Variants in VCAN observed in about 807,000 individuals in gnomAD.
VCAN encodes the protein versican.
Under a neutral mutation model 245.5 loss-of-function variants are expected in VCAN, and 44 were observed. That is an observed-to-expected ratio of 0.18 (90% CI 0.14 to 0.23). The LOEUF (loss-of-function observed/expected upper bound fraction) is 0.23, where lower values mean the gene tolerates loss of function less well. VCAN is among the 10% of genes least tolerant of loss of function. The pLI, the probability that VCAN is intolerant of heterozygous loss-of-function variation, is 1.00. For synonymous variants in VCAN, 1,413 were observed against 1,437.0 expected (o/e 0.98, Z 0.38); for missense variants, 3,793 against 4,057.9 (o/e 0.93, Z 1.77).
chr5:83,562,661 CA>C (rs4033003), intron 12 of VCAN, among the ~76,000 whole-genome samples: 41,871 of 149,322 alleles, frequency 0.28, 6,020 homozygotes, highest in Admixed American at 0.34. Flanking sequence ...TGGAAAAGGC[CA>C]AAAAAAAAAA....
In VCAN at chr5:83,519,369, G is replaced by C. The variant is rs143128206; in HGVS notation, c.1063G>C (p.Asp355His). The change falls in exon 7 of 15, where the codon GAT becomes CAT. Residue 355 changes from aspartate to histidine, a missense_variant. By Grantham distance (81) the Asp-to-His change is moderately conservative. Transcript: ENST00000265077. ...TCTAGCTAAAGAGGCTACAACCATC[G>C]ATTTGAGTATCCTCGCAGAAACTGC... ...CFKPKEATTI[D>H]LSILAETASP... The C allele has an allele frequency of 2.5e-6, 4 of 1,613,802 alleles. No individual in the cohort carries two copies. In the African/African-American group the frequency reaches 4.0e-5, roughly 16 times the overall value.
chr5:83,576,185 C>T (rs936263267), intron 13 of VCAN, among the ~76,000 whole-genome samples: 1 of 151,990 alleles, frequency 6.6e-6, no homozygotes, highest in Non-Finnish European at 1.5e-5. Flanking sequence ...TATCTATTTA[C>T]TTCTCAACTC....
chr5:83,516,027 T>C (rs1745840223), intron 6 of VCAN, among the ~76,000 whole-genome samples: 1 of 152,184 alleles, frequency 6.6e-6, no homozygotes, highest in South Asian at 2.1e-4. Flanking sequence ...GGTCAGGAGA[T>C]CGAGACCATC....
At chr5:83,554,668 C>G (rs1334299513) in intron 11 of VCAN, among the ~76,000 whole-genome samples, 1 of 151,966 alleles carries the variant, frequency 6.6e-6, no homozygotes, top group Non-Finnish European at 1.5e-5. Flanking sequence ...AAATTTCTAT[C>G]ATGAGTGAGG....
intron 5 of VCAN, among the ~76,000 whole-genome samples, chr5:83,495,910 C>T (rs1020879766): frequency 1.3e-5 from 2 of 152,092 alleles, no homozygotes; most frequent in African/African-American, 2.4e-5. Context: ...GCCCTAGAGA[C>T]CCCCCGTGTG....
chr5:83,519,940 C>G lies in VCAN; in HGVS notation c.1634C>G (p.Thr545Arg). Residue 545 changes from threonine (T) to arginine (R), a missense_variant, in exon 7 of 15, where the codon ACA (threonine) becomes AGA (arginine). This residue lies in a region of VCAN where 3,182 missense variants were observed against 3,250.3 expected (regional missense o/e 0.98). Coordinates refer to ENST00000265077, the MANE Select transcript of VCAN (RefSeq NM_004385.5). Reference protein sequence around the residue: ...MVSTVSELVTTGHYGFTLGEE... With the variant: ...MVSTVSELVTRGHYGFTLGEE... ...AGCACTGTTTCTGAATTGGTAACCA[C>G]AGGTCACTATGGATTCACCTTGGGA... is the stretch of plus-strand genomic sequence containing the variant. 1 of 1,614,110 alleles carries G rather than the reference C, an allele frequency of 6.2e-7. No individual in the cohort carries two copies. Among genetic ancestry groups the G allele is most frequent in the Non-Finnish European group, 8.5e-7 (1 of 1,179,976 alleles).
At position 83,520,674 on chromosome 5, in the gene VCAN, C is replaced by G; in HGVS notation, c.2368C>G (p.His790Asp). 6 of 1,614,022 alleles carry G rather than the reference C, an allele frequency of 3.7e-6. No homozygotes were observed. The highest frequency in any genetic ancestry group is 5.1e-6 in the Non-Finnish European group (6 of 1,179,994). ...DENITTVLLA[H>D]GTLSVEAATV... ...AAATATTACAACAGTGCTTTTGGCC[C>G]ATGGTACTTTAAGTGTTGAAGCAGC... Residue 790 changes from histidine (H) to aspartate (D), a missense_variant, in exon 7 of 15, where the codon CAT becomes GAT. His to Asp is a moderately conservative substitution (Grantham distance 81). Coordinates refer to ENST00000265077, the MANE Select transcript of VCAN (RefSeq NM_004385.5).
chr5:83,564,430 A>G (rs2112487101), intron 12 of VCAN, among the ~76,000 whole-genome samples: 1 of 152,314 alleles, frequency 6.6e-6, no homozygotes, highest in South Asian at 2.1e-4. Flanking sequence ...ATAGTTTCTT[A>G]ATTCTAGTAT....
chr5:83,512,098 T>C lies in VCAN; in HGVS notation c.749-5T>C. On this transcript the variant is annotated splice_region_variant and splice_polypyrimidine_tract_variant and intron_variant, in intron 5 of 14. Transcript: ENST00000265077. ...TGGGCTTTTTTTCCCTTCTTTTTTT[T>C]CCAGGTGATGTGTTCCACCTCACTG... The C allele has an allele frequency of 6.2e-7, 1 of 1,614,088 alleles. No homozygotes were observed. The highest frequency in any genetic ancestry group is 2.2e-5 in the East Asian group (1 of 44,890).
Position 83,519,648 on chromosome 5 carries a change from G to C in VCAN, c.1342G>C (p.Gly448Arg), listed in dbSNP as rs758440241. The change falls in exon 7 of 15, where the codon GGA becomes CGA. Residue 448 changes from glycine (G) to arginine (R), a missense_variant. Gly to Arg is a moderately radical substitution (Grantham distance 125, BLOSUM62 -2). Around this residue, in one of 5 missense-constraint regions of VCAN, gnomAD observed 3,182 missense variants for 3,250.3 expected, o/e 0.98. Coordinates refer to ENST00000265077, the MANE Select transcript of VCAN (RefSeq NM_004385.5). The part of the protein sequence containing the change: ...DYSPSASGPL[G>R]KLDISEIKEE... ...CTCACCTTCTGCTTCAGGACCTCTT[G>C]GAAAGCTAGACATATCAGAAATTAA... The C allele has an allele frequency of 6.2e-7, 1 of 1,614,112 alleles. No individual in the cohort carries two copies. Among genetic ancestry groups the C allele is most frequent in the South Asian group, 1.1e-5 (1 of 91,086 alleles).
chr5:83,566,413 A>G (rs562766572), intron 12 of VCAN, among the ~76,000 whole-genome samples: 1 of 152,144 alleles, frequency 6.6e-6, no homozygotes, highest in African/African-American at 2.4e-5. Context: ...GTCATTGATC[A>G]TGGCCACCTG....
chr5:83,522,757 A>C (rs1281544578), intron 7 of VCAN, among the ~76,000 whole-genome samples: 1 of 152,216 alleles, frequency 6.6e-6, no homozygotes, highest in Non-Finnish European at 1.5e-5. Flanking sequence ...AGATATTTAA[A>C]GGTTTGCTTT....
chr5:83,516,655 A>G (rs950183015), intron 6 of VCAN, among the ~76,000 whole-genome samples: 21 of 152,254 alleles, frequency 1.4e-4, no homozygotes, highest in African/African-American at 4.6e-4. Flanking sequence ...GGCTTCCTCA[A>G]TAATAAAGTT....
chr5:83,540,301 C>G lies in VCAN; in HGVS notation c.7298C>G (p.Ser2433Cys), dbSNP rs764887873. ...TATTATGAACCTTCTGGAGAAGGAT[C>G]TGGAGAAGTGGATATTGTTGATTCA... is the stretch of plus-strand genomic sequence containing the variant. Reference protein sequence around the residue: ...DLYYEPSGEGSGEVDIVDSFH... With the variant: ...DLYYEPSGEGCGEVDIVDSFH... The change falls in exon 8 of 15, where the codon TCT becomes TGT. Residue 2433 changes from serine to cysteine, a missense_variant. Around this residue, in one of 5 missense-constraint regions of VCAN, gnomAD observed 3,182 missense variants for 3,250.3 expected, o/e 0.98. Transcript: ENST00000265077. 2 of 1,614,146 alleles carry G rather than the reference C, an allele frequency of 1.2e-6. No homozygotes were observed. The highest frequency in any genetic ancestry group is 2.2e-5 in the South Asian group (2 of 91,082).
chr5:83,521,566 T>A lies in VCAN; in HGVS notation c.3260T>A (p.Val1087Asp), dbSNP rs1746101779. ...GAATTGTTGACAGGTTCTGAGAGGG[T>A]CCCAGTTTTAGAAACAACTCCAGTT... ...EDELLTGSER[V>D]PVLETTPVGK... Residue 1087 changes from valine (V) to aspartate (D), a missense_variant, in exon 7 of 15, where the codon GTC becomes GAC. Transcript: ENST00000265077. 1.9e-6 allele frequency: 3 copies of A among 1,613,994 alleles called. No individual in the cohort carries two copies. In the East Asian group the frequency reaches 6.7e-5, roughly 36 times the overall value.
chr5:83,537,400 A>C lies in VCAN; in HGVS notation c.4397A>C (p.Gln1466Pro), dbSNP rs745310272. Residue 1466 changes from glutamine (Q) to proline (P), a missense_variant, in exon 8 of 15, where the codon CAA (glutamine) becomes CCA (proline). This residue lies in a region of VCAN where 3,182 missense variants were observed against 3,250.3 expected (regional missense o/e 0.98). Coordinates refer to ENST00000265077, the MANE Select transcript of VCAN (RefSeq NM_004385.5). ...AAAACGGAATTGTCTACTGCTGTGC[A>C]ACCTAATGAATCTACAGAAACAACT... The part of the protein sequence containing the change: ...IAKTELSTAV[Q>P]PNESTETTES... The C allele has an allele frequency of 1.2e-6, 2 of 1,613,946 alleles. No individual in the cohort carries two copies. The highest frequency in any genetic ancestry group is 3.3e-5 in the Admixed American group (2 of 59,948).
chr5:83,561,522 A>T (rs1006947336), intron 12 of VCAN, among the ~76,000 whole-genome samples: 1 of 152,154 alleles, frequency 6.6e-6, no homozygotes, highest in African/African-American at 2.4e-5. Context: ...TTGGCAACTT[A>T]ATACCTACAA....
intron 5 of VCAN, among the ~76,000 whole-genome samples, chr5:83,495,836 ATCCCAAGCCAGAT>A (rs1725486547): frequency 6.6e-6 from 1 of 152,168 alleles, no homozygotes; most frequent in African/African-American, 2.4e-5. Context: ...ATGAATAAGC[ATCCCAAGCCAGAT>A]TCCTTGGTGG....
intron 6 of VCAN, among the ~76,000 whole-genome samples, chr5:83,517,827 C>T (rs1316829268): frequency 3.3e-5 from 5 of 152,082 alleles, no homozygotes; most frequent in Admixed American, 3.3e-4. Flanking sequence ...AAATAGCCCT[C>T]AAATGTTCAT....
Sources: allele counts gnomAD v4.1 joint callset (sites outside exome capture counted in the v4.1 genomes callset), GRCh38; gene constraint gnomAD v4.1.1; regional missense constraint gnomAD v4.1.1; transcripts MANE v1.5; gene names NCBI Gene and HGNC (gene_info 2026-07-23, HGNC 2026-07-21).